ADCY2: variants seen among roughly 807,000 people sequenced by gnomAD.
ADCY2 encodes the protein adenylate cyclase type 2.
ADCY2 carries 31 observed loss-of-function variants against 125.2 expected under a neutral mutation model. That is an observed-to-expected ratio of 0.25 (90% confidence interval 0.19 to 0.33). The LOEUF (loss-of-function observed/expected upper bound fraction) is 0.33, where lower values mean the gene tolerates loss of function less well. Among genes scored for constraint, ADCY2 ranks in the 10% least tolerant of loss-of-function variants. The probability of loss-of-function intolerance (pLI) is 1.00; values close to 1 mark genes in which losing one functional copy is unlikely to be tolerated. For synonymous variants in ADCY2, 512 were observed against 548.4 expected, an observed-to-expected ratio of 0.93 and a Z score of 0.93; for missense variants, 904 against 1,418.2, an observed-to-expected ratio of 0.64 and a Z score of 5.82.
chr5:7,424,402 G>A (rs1740316080), intron 2 of ADCY2, among the ~76,000 whole-genome samples: 1 of 152,260 alleles, frequency 6.6e-6, no homozygotes, highest in African/African-American at 2.4e-5. Flanking sequence ...AAGTCACACA[G>A]TGAGGAAGAG....
chr5:7,464,818 C>T (rs141869993), intron 2 of ADCY2, among the ~76,000 whole-genome samples: 63 of 152,214 alleles, frequency 4.1e-4, no homozygotes, highest in African/African-American at 1.5e-3. Flanking sequence ...CTTGATATCC[C>T]TTGGAATGTC....
intron 2 of ADCY2, among the ~76,000 whole-genome samples, chr5:7,441,373 A>G (rs1343722145): frequency 6.6e-6 from 1 of 152,172 alleles, no homozygotes; most frequent in African/African-American, 2.4e-5. Context: ...TGCTTCGCTG[A>G]GTGATACTGC....
At chr5:7,581,974 A>G (rs1490682921) in intron 3 of ADCY2, among the ~76,000 whole-genome samples, 1 of 152,232 alleles carries the variant, frequency 6.6e-6, no homozygotes, top group East Asian at 1.9e-4. Flanking sequence ...AACACTGACT[A>G]AAAGATGATA....
intron 1 of ADCY2, among the ~76,000 whole-genome samples, chr5:7,404,819 G>T (rs749492946): frequency 1.8e-4 from 28 of 152,138 alleles, no homozygotes; most frequent in Non-Finnish European, 3.1e-4. Context: ...TGGTTTGAAG[G>T]CTGGGGCTTG....
intron 4 of ADCY2, chr5:7,654,122 A>C (rs924414547): frequency 6.4e-5 from 29 of 456,074 alleles, no homozygotes; most frequent in Non-Finnish European, 1.2e-4. Context: ...CCTGACATTC[A>C]GAGAGCCAGG....
At chr5:7,492,516 G>C (rs959361933) in intron 2 of ADCY2, among the ~76,000 whole-genome samples, 4 of 152,166 alleles carry the variant, frequency 2.6e-5, no homozygotes, top group Non-Finnish European at 4.4e-5. Flanking sequence ...AGGAAGGACT[G>C]TAGGAGTCAA....
intron 2 of ADCY2, among the ~76,000 whole-genome samples, chr5:7,502,416 C>T (rs1320028528): frequency 1.3e-5 from 2 of 152,148 alleles, no homozygotes; most frequent in East Asian, 1.9e-4. Flanking sequence ...CATCATCTCA[C>T]ACTGCCTTCC....
At chr5:7,404,904 T>C (rs1287626935) in intron 1 of ADCY2, among the ~76,000 whole-genome samples, 1 of 152,236 alleles carries the variant, frequency 6.6e-6, no homozygotes, top group Non-Finnish European at 1.5e-5. Flanking sequence ...CTGGCACTGC[T>C]GGCCAGAACA....
intron 3 of ADCY2, among the ~76,000 whole-genome samples, chr5:7,616,314 A>G (rs1194866263): frequency 6.6e-6 from 1 of 152,234 alleles, no homozygotes; most frequent in Non-Finnish European, 1.5e-5. Context: ...TAGAAAACTA[A>G]TGATGATCCC....
Position 7,768,053 on chromosome 5 carries a change from G to A in ADCY2, c.2214+1247G>A, listed in dbSNP as rs999576058. ...CTCAAAAAGAAAAAAAAAAAGAAGT[G>A]GCTTCTGGTGTTCTTTCCTGGAGGC... On this transcript the variant is annotated intron_variant, in intron 17 of 24. Transcript: ENST00000338316. Among the ~76,000 whole-genome samples, 16 of 150,896 alleles carry A rather than the reference G, an allele frequency of 1.1e-4. No homozygotes were observed. The East Asian group carries it at 3.1e-3, about 29-fold the overall frequency.
intron 4 of ADCY2, among the ~76,000 whole-genome samples, chr5:7,665,915 T>C (rs773557109): frequency 1.5e-5 from 2 of 129,348 alleles, no homozygotes; most frequent in African/African-American, 2.9e-5. Context: ...CTCGGCTCAC[T>C]GCAAGCTCTG....
At chr5:7,418,586 C>T (rs1479087002) in intron 2 of ADCY2, among the ~76,000 whole-genome samples, 1 of 151,584 alleles carries the variant, frequency 6.6e-6, no homozygotes, top group Non-Finnish European at 1.5e-5. Flanking sequence ...TTCTAGCTGC[C>T]CCTGTCCATT....
rs146194170 is a variant in ADCY2 at position 7,653,253 on chromosome 5, G to A, written c.720+26937G>A. Among the ~76,000 whole-genome samples, 43 of 152,168 alleles carry A rather than the reference G, an allele frequency of 2.8e-4. No individual in the cohort carries two copies. The East Asian group carries it at 7.2e-3, about 25-fold the overall frequency. On this transcript the variant is annotated intron_variant, in intron 4 of 24. Coordinates refer to ENST00000338316, the MANE Select transcript of ADCY2 (RefSeq NM_020546.3). ...CTCTCATACCCTGAGCAGGCAGTGT[G>A]GACTCGAGCCGGCCAGCCTGGGCGT...
chr5:7,579,362 G>A (rs1225181528), intron 3 of ADCY2, among the ~76,000 whole-genome samples: 2 of 152,072 alleles, frequency 1.3e-5, no homozygotes, highest in African/African-American at 2.4e-5. Flanking sequence ...TATACTACTG[G>A]AAGAAAGAGT....
Position 7,826,921 on chromosome 5 carries a change from C to T in ADCY2, c.*50C>T. Reference sequence around the variant, plus strand: ...AGACTGTATTTTCAGGAAGGTATCACACACTTTCTGACTGCAACTTCTGTC... The same window carrying T: ...AGACTGTATTTTCAGGAAGGTATCATACACTTTCTGACTGCAACTTCTGTC... On this transcript the variant is annotated 3_prime_UTR_variant, in exon 25 of 25. Coordinates refer to ENST00000338316, the MANE Select transcript of ADCY2 (RefSeq NM_020546.3). The T allele has an allele frequency of 6.4e-7, 1 of 1,559,946 alleles. No homozygotes were observed.
chr5:7,495,511 ATC>A (rs1337640714), intron 2 of ADCY2, among the ~76,000 whole-genome samples: 1 of 152,252 alleles, frequency 6.6e-6, no homozygotes, highest in Non-Finnish European at 1.5e-5. Flanking sequence ...CAGAAAATGA[ATC>A]TAAATCTATT....
At chr5:7,401,840 T>C (rs541743169) in intron 1 of ADCY2, among the ~76,000 whole-genome samples, 1 of 152,240 alleles carries the variant, frequency 6.6e-6, no homozygotes, top group Non-Finnish European at 1.5e-5. Context: ...GTGTGTGATA[T>C]ATTTCATGAG....
chr5:7,431,191 T>C (rs1402804276), intron 2 of ADCY2, among the ~76,000 whole-genome samples: 1 of 152,204 alleles, frequency 6.6e-6, no homozygotes, highest in African/African-American at 2.4e-5. Context: ...GGTGTAAAAA[T>C]AGACATTTAG....
chr5:7,569,046 T>G (rs1187455366), intron 3 of ADCY2, among the ~76,000 whole-genome samples: 2 of 152,108 alleles, frequency 1.3e-5, no homozygotes, highest in African/African-American at 2.4e-5. Flanking sequence ...CATTAAGAGG[T>G]TTATTCTACT....
Sources: allele counts gnomAD v4.1 joint callset (sites outside exome capture counted in the v4.1 genomes callset), GRCh38; gene constraint gnomAD v4.1.1; transcripts MANE v1.5; gene names NCBI Gene and HGNC (gene_info 2026-07-23, HGNC 2026-07-21).